SPICE1: variants seen among roughly 807,000 people sequenced by gnomAD.
SPICE1 encodes the protein spindle and centriole associated protein 1.
In SPICE1, 75 loss-of-function variants were observed where a neutral mutation model predicts 102.7. That is an observed-to-expected ratio of 0.73 (90% CI 0.61 to 0.88). SPICE1 has a LOEUF of 0.88. Among genes scored for constraint, SPICE1 ranks in the 40% least tolerant of loss-of-function variants. The pLI, the probability that SPICE1 is intolerant of heterozygous loss-of-function variation, is 0.00. For synonymous variants in SPICE1, 308 were observed against 350.3 expected, an observed-to-expected ratio of 0.88 and a Z score of 1.35; for missense variants, 979 against 1,020.1, an observed-to-expected ratio of 0.96 and a Z score of 0.55.
At chr3:113,458,635 C>A (rs1368953399) in intron 12 of SPICE1, among the ~76,000 whole-genome samples, 1 of 152,188 alleles carries the variant, frequency 6.6e-6, no homozygotes, top group Non-Finnish European at 1.5e-5. Context: ...GGCCGCCACC[C>A]CGTCTAGGAA....
At chr3:113,479,746 T>C (rs1936447057) in intron 7 of SPICE1, among the ~76,000 whole-genome samples, 1 of 152,150 alleles carries the variant, frequency 6.6e-6, no homozygotes, top group African/African-American at 2.4e-5. Flanking sequence ...ATGGTACACA[T>C]TTATAGTAGT....
chr3:113,453,494 T>G lies in SPICE1; in HGVS notation c.2114A>C (p.Lys705Thr). The G allele has an allele frequency of 6.2e-7, 1 of 1,610,140 alleles. No individual in the cohort carries two copies. The highest frequency in any genetic ancestry group is 1.1e-5 in the South Asian group (1 of 90,698). Residue 705 changes from lysine (K) to threonine (T), a missense_variant, in exon 14 of 18, where the codon AAA becomes ACA. By Grantham distance (78) the Lys-to-Thr change is moderately conservative. Transcript: ENST00000295872. ...EQGDGLRELN[K>T]QESASDMTST... ...AGTCATGTCACTTGCACTTTCTTGT[T>G]TGTTCAACTCCCGGAGTCCATCCCC... is the stretch of plus-strand genomic sequence containing the variant.
At chr3:113,470,040 T>C (rs180775015) in intron 7 of SPICE1, among the ~76,000 whole-genome samples, 222 of 152,292 alleles carry the variant, frequency 1.5e-3, no homozygotes, top group African/African-American at 5.1e-3. Flanking sequence ...TACAAGCACA[T>C]TGGTTACAGA....
At chr3:113,464,351 G>A (rs1006815143) in intron 11 of SPICE1, among the ~76,000 whole-genome samples, 1 of 150,394 alleles carries the variant, frequency 6.6e-6, no homozygotes, top group Non-Finnish European at 1.5e-5. Context: ...CAAACTCCTA[G>A]GCTCAAGTGA....
At position 113,453,915 on chromosome 3, in the gene SPICE1, G is replaced by A. The variant is rs141209288; in HGVS notation, c.1693C>T (p.Arg565Ter). 11 of 1,613,938 alleles carry A rather than the reference G, an allele frequency of 6.8e-6. No homozygotes were observed. The highest frequency in any genetic ancestry group is 4.4e-5 in the South Asian group (4 of 91,058). ...RRTVQTRPAP[R>*]LPPTVEIIEK... Reference sequence around the variant, plus strand: ...ATTATTTCCACAGTTGGAGGAAGTCGTGGAGCAGGACGAGTTTGAACAGTC... The same window carrying A: ...ATTATTTCCACAGTTGGAGGAAGTCATGGAGCAGGACGAGTTTGAACAGTC... The change falls in exon 14 of 18, where the codon CGA (arginine) becomes TGA (stop). Residue 565 changes from arginine (R) to a stop codon, truncating the protein, a stop_gained. Coordinates refer to ENST00000295872, the MANE Select transcript of SPICE1 (RefSeq NM_144718.4). LOFTEE classifies it high-confidence loss of function.
chr3:113,510,304 A>C (rs1330417366), intron 1 of SPICE1, among the ~76,000 whole-genome samples: 1 of 152,222 alleles, frequency 6.6e-6, no homozygotes, highest in African/African-American at 2.4e-5. Flanking sequence ...AAAAGAGCCC[A>C]TATGGCCAAG....
intron 14 of SPICE1, among the ~76,000 whole-genome samples, chr3:113,451,154 C>T (rs1022196268): frequency 1.3e-5 from 2 of 152,142 alleles, no homozygotes; most frequent in Non-Finnish European, 2.9e-5. Flanking sequence ...CACCATTTGG[C>T]AAAGATTCTG....
At chr3:113,446,937 G>A (rs942094337) in intron 16 of SPICE1, among the ~76,000 whole-genome samples, 4 of 152,242 alleles carry the variant, frequency 2.6e-5, no homozygotes, top group Admixed American at 2.0e-4. Context: ...CCCATGTTGT[G>A]GGAGGGACTC....
At chr3:113,474,484 C>G (rs1464690410) in intron 7 of SPICE1, among the ~76,000 whole-genome samples, 2 of 152,190 alleles carry the variant, frequency 1.3e-5, no homozygotes, top group Non-Finnish European at 2.9e-5. Context: ...ACAGAATATA[C>G]ATTTTTTTCA....
intron 4 of SPICE1, among the ~76,000 whole-genome samples, chr3:113,495,866 A>C (rs990437886): frequency 1.3e-5 from 2 of 152,200 alleles, no homozygotes; most frequent in Non-Finnish European, 2.9e-5. Context: ...GATGGAATTG[A>C]CACATGAAGA....
At chr3:113,485,251 G>C (rs770442944) in intron 7 of SPICE1, among the ~76,000 whole-genome samples, 4 of 151,710 alleles carry the variant, frequency 2.6e-5, no homozygotes, top group Non-Finnish European at 5.9e-5. Flanking sequence ...CCCTGGAAAG[G>C]GGGCTGAAGC....
intron 7 of SPICE1, among the ~76,000 whole-genome samples, chr3:113,477,482 C>T (rs1576634883): frequency 6.7e-6 from 1 of 150,092 alleles, no homozygotes; most frequent in Non-Finnish European, 1.5e-5. Flanking sequence ...AAGACACATG[C>T]ACACATATGT....
At chr3:113,472,434 G>C (rs1936227964) in intron 7 of SPICE1, among the ~76,000 whole-genome samples, 1 of 152,338 alleles carries the variant, frequency 6.6e-6, no homozygotes, top group South Asian at 2.1e-4. Flanking sequence ...GAGAGCAGTG[G>C]TTCTCCCAGC....
chr3:113,447,156 C>A lies in SPICE1; in HGVS notation c.2427-480G>T, dbSNP rs149410989. 5.8e-4 allele frequency among the ~76,000 whole-genome samples: 89 copies of A among 152,250 alleles called. 1 individual carries two copies. The highest frequency in any genetic ancestry group is 4.1e-3 in the Admixed American group (63 of 15,280). On this transcript the variant is annotated intron_variant, in intron 16 of 17. Transcript: ENST00000295872. ...GCCATGTGAAACTGTAAGTCCAATT[C>A]AACCTCTTTTTCTTCCCAATCTCAG...
chr3:113,459,482 T>G, intron 12 of SPICE1: 1 of 980,350 alleles, frequency 1.0e-6, no homozygotes, highest in South Asian at 4.7e-5. Flanking sequence ...TTCTACAATA[T>G]ATTTACTCCC....
At chr3:113,488,685 T>C (rs1454880873) in intron 7 of SPICE1, among the ~76,000 whole-genome samples, 2 of 152,142 alleles carry the variant, frequency 1.3e-5, no homozygotes, top group Non-Finnish European at 2.9e-5. Context: ...CTCATGTGCA[T>C]GCATGCATGT....
intron 4 of SPICE1, among the ~76,000 whole-genome samples, chr3:113,495,653 A>G (rs1936866256): frequency 6.6e-6 from 1 of 152,224 alleles, no homozygotes; most frequent in East Asian, 1.9e-4. Flanking sequence ...TTTTGCTATA[A>G]CTTAAATTAT....
At chr3:113,448,814 T>C (rs1395652498) in intron 15 of SPICE1, 1 of 152,196 alleles carries the variant, frequency 6.6e-6, no homozygotes, top group Non-Finnish European at 1.5e-5. Context: ...TCAGTTACCC[T>C]AGAAAACAAA....
rs1935628810 is a variant in SPICE1 at position 113,450,628 on chromosome 3, G to A, written c.2143-112C>T. ...GTCTCACTCTGTTGCCCAGGCTGGA[G>A]TGCAGTGGCGCTATCTCGGCTCACT... On this transcript the variant is annotated intron_variant, in intron 14 of 17. Transcript: ENST00000295872. 7 of 1,080,720 alleles carry A rather than the reference G, an allele frequency of 6.5e-6. 1 individual carries two copies. Among genetic ancestry groups the A allele is most frequent in the Middle Eastern group, 2.7e-4 (1 of 3,770 alleles). 66.9% of individuals were successfully genotyped at this position (1,080,720 alleles called of 1,614,324 possible). A position where few individuals can be genotyped will look rare whatever the true frequency, so the allele number is the denominator to read the frequency against.
Sources: gnomAD v4.1 joint callset for allele counts (sites outside exome capture counted in the v4.1 genomes callset) on GRCh38, gnomAD v4.1.1 for gene constraint, MANE v1.5 for transcripts, NCBI Gene and HGNC (gene_info 2026-07-23, HGNC 2026-07-21) for gene names.